The following SP100 variants were observed in gnomAD, a reference collection of about 807,000 sequenced individuals.
SP100 encodes nuclear autoantigen Sp-100.
A neutral mutation model predicts 130.0 loss-of-function variants in SP100; 84 were observed. That is an observed-to-expected ratio of 0.65 (90% CI 0.54 to 0.77). The LOEUF is 0.77. Among genes scored for constraint, SP100 ranks in the 30% least tolerant of loss-of-function variants. SP100 has a pLI of 0.00. For synonymous variants in SP100, 331 were observed against 351.7 expected (o/e 0.94, Z 0.66); for missense variants, 978 against 1,052.2 (o/e 0.93, Z 0.97).
intron 24 of SP100, chr2:230,515,175 C>T (rs1575790430): frequency 1.2e-6 from 2 of 1,613,392 alleles, no homozygotes; most frequent in African/African-American, 1.3e-5. Context: ...CATGGAAGAC[C>T]ATTTTTGCTA....
At chr2:230,438,648 T>TACACACACACAC (rs796889943) in intron 2 of SP100, among the ~76,000 whole-genome samples, 12 of 127,482 alleles carry the variant, frequency 9.4e-5, no homozygotes, top group African/African-American at 3.3e-4. Context: ...TGTATATATA[T>TACACACACACAC]ACACACACAC....
At chr2:230,507,662 G>T (rs373356320) in intron 22 of SP100, among the ~76,000 whole-genome samples, 6 of 152,098 alleles carry the variant, frequency 3.9e-5, no homozygotes, top group African/African-American at 1.4e-4. Flanking sequence ...GGTCTAAAAA[G>T]ATGAACAACT....
At chr2:230,453,166 C>A (rs956042279) in intron 8 of SP100, among the ~76,000 whole-genome samples, 1 of 152,104 alleles carries the variant, frequency 6.6e-6, no homozygotes, top group African/African-American at 2.4e-5. Flanking sequence ...ATGGCAGCAG[C>A]AAGGAGAAGT....
Position 230,522,529 on chromosome 2 carries a change from C to T in SP100, c.2094+11363C>T, listed in dbSNP as rs537901499. On this transcript the variant is annotated intron_variant, in intron 24 of 28. Coordinates refer to ENST00000340126, the MANE Select transcript of SP100 (RefSeq NM_001080391.2). ...AGAGTCTTGCACTGTCACACTGTCACCCAGGCTGGAGTAGAATGGTGTGAT... is the reference window on the plus strand; with the variant it reads ...AGAGTCTTGCACTGTCACACTGTCATCCAGGCTGGAGTAGAATGGTGTGAT... Among the ~76,000 whole-genome samples the T allele has an allele frequency of 4.9e-5, 6 of 123,040 alleles. No individual in the cohort carries two copies. In the South Asian group the frequency reaches 8.5e-4, roughly 17 times the overall value. 80.7% of individuals were successfully genotyped at this position (123,040 alleles called of 152,430 possible). A position where few individuals can be genotyped will look rare whatever the true frequency, so the allele number is the denominator to read the frequency against.
At chr2:230,468,395 T>C (rs1375485809) in intron 13 of SP100, among the ~76,000 whole-genome samples, 1 of 152,198 alleles carries the variant, frequency 6.6e-6, no homozygotes, top group Non-Finnish European at 1.5e-5. Flanking sequence ...TACAGCAAAT[T>C]ATATAAATAT....
chr2:230,513,775 G>A, intron 24 of SP100, among the ~76,000 whole-genome samples: 1 of 152,244 alleles, frequency 6.6e-6, no homozygotes, highest in Non-Finnish European at 1.5e-5. Context: ...CTTAGCCATG[G>A]ATCGAAAGCA....
chr2:230,452,180 ATT>A (rs554361852), intron 8 of SP100, among the ~76,000 whole-genome samples: 3 of 145,148 alleles, frequency 2.1e-5, no homozygotes. Context: ...TGCCATTTGA[ATT>A]TTTTTTTTTT....
chr2:230,505,766 C>T (rs562403334), intron 21 of SP100, among the ~76,000 whole-genome samples: 21 of 152,296 alleles, frequency 1.4e-4, no homozygotes, highest in African/African-American at 5.1e-4. Context: ...TCCATAATTA[C>T]TTTTAATATA....
rs2062602979 is a variant in SP100, at chr2:230,416,481, T to C, written c.32+153T>C. Among the ~76,000 whole-genome samples the C allele has an allele frequency of 2.0e-5, 3 of 152,292 alleles. 1 individual carries two copies. In the Middle Eastern group the frequency reaches 0.01, roughly 518 times the overall value. Reference sequence around the variant, plus strand: ...ATATAATGAAATGAAAGACAAGTAATGAGGAAATCAGATTTTTTAAACAGG... The same window carrying C: ...ATATAATGAAATGAAAGACAAGTAACGAGGAAATCAGATTTTTTAAACAGG... On this transcript the variant is annotated intron_variant, in intron 1 of 28. Transcript: ENST00000340126.
intron 15 of SP100, among the ~76,000 whole-genome samples, chr2:230,471,331 AT>A (rs941206403): frequency 1.3e-5 from 2 of 152,130 alleles, no homozygotes; most frequent in Non-Finnish European, 2.9e-5. Flanking sequence ...ATATAGGTGT[AT>A]TTTTTTGTCA....
chr2:230,417,928 CTT>C (rs1251266683), intron 2 of SP100, among the ~76,000 whole-genome samples: 1 of 152,086 alleles, frequency 6.6e-6, no homozygotes, highest in Non-Finnish European at 1.5e-5. Context: ...AAGCTTAAAA[CTT>C]AACATATAGG....
At position 230,542,901 on chromosome 2, in the gene SP100, T is replaced by G; in HGVS notation, c.2613T>G (p.Ile871Met). Residue 871 changes from isoleucine to methionine, a missense_variant, in exon 29 of 29, where the codon ATT becomes ATG. Physicochemically the swap from Ile to Met is conservative, Grantham distance 10. Transcript: ENST00000340126. ...QDIFEKNFRNIFAIQETSKNI... is the reference protein window; with the variant it reads ...QDIFEKNFRNMFAIQETSKNI... ...TCTTTGAGAAGAATTTCAGAAACAT[T>G]TTTGCAATTCAGGAAACAAGCAAGA... 1 of 1,611,816 alleles carries G rather than the reference T, an allele frequency of 6.2e-7. No homozygotes were observed.
chr2:230,458,611 T>C (rs1010028368), intron 8 of SP100, among the ~76,000 whole-genome samples: 3 of 152,210 alleles, frequency 2.0e-5, no homozygotes, highest in Admixed American at 6.5e-5. Context: ...TCAGAAGTTA[T>C]CATGAAAACG....
chr2:230,533,488 A>G (rs1691797776), intron 24 of SP100, among the ~76,000 whole-genome samples: 1 of 152,200 alleles, frequency 6.6e-6, no homozygotes, highest in Non-Finnish European at 1.5e-5. Flanking sequence ...CTCTTAACCA[A>G]TCCTTGTGCT....
chr2:230,444,092 A>C (rs1003097432), intron 3 of SP100, 86 bp from the exon 4 acceptor site: 1 of 1,004,322 alleles, frequency 1.0e-6, no homozygotes, highest in Non-Finnish European at 1.5e-6. Context: ...AGAAATTAGA[A>C]TACAGTAACC....
chr2:230,491,207 C>T (rs556823694), intron 17 of SP100, among the ~76,000 whole-genome samples: 1 of 152,284 alleles, frequency 6.6e-6, no homozygotes, highest in Admixed American at 6.5e-5. Context: ...AGGAGGTGTG[C>T]TTTGGGGGCG....
chr2:230,512,555 T>C (rs988673227), intron 24 of SP100, among the ~76,000 whole-genome samples: 7 of 152,110 alleles, frequency 4.6e-5, no homozygotes, highest in African/African-American at 1.7e-4. Context: ...CCCAAAGTGC[T>C]GGGATTACAG....
intron 17 of SP100, among the ~76,000 whole-genome samples, chr2:230,481,454 C>G (rs1469736031): frequency 1.3e-5 from 2 of 152,178 alleles, no homozygotes; most frequent in Non-Finnish European, 2.9e-5. Context: ...CCCTCGCACT[C>G]TCTCTATCAT....
At chr2:230,526,384 A>C (rs1020881701) in intron 24 of SP100, among the ~76,000 whole-genome samples, 5 of 152,202 alleles carry the variant, frequency 3.3e-5, no homozygotes, top group African/African-American at 1.2e-4. Context: ...CAAAAAGGAC[A>C]TCCACACCAA....
Sources: allele counts gnomAD v4.1 joint callset (sites outside exome capture counted in the v4.1 genomes callset), GRCh38; gene constraint gnomAD v4.1.1; transcripts MANE v1.5; gene names NCBI Gene and HGNC (gene_info 2026-07-23, HGNC 2026-07-21).